UTP18: variants seen among roughly 807,000 people sequenced by gnomAD.
UTP18 encodes the protein U3 small nucleolar RNA-associated protein 18 homolog.
In UTP18, 36 loss-of-function variants were observed where a neutral mutation model predicts 61.1. The ratio of observed to expected loss-of-function variants is 0.59; its 90% confidence interval spans 0.45 to 0.78. The LOEUF (loss-of-function observed/expected upper bound fraction) is 0.78, where lower values mean the gene tolerates loss of function less well. Ranked by LOEUF, UTP18 falls within the 30% of genes least tolerant of loss-of-function variation. The probability of loss-of-function intolerance (pLI) is 0.00; values close to 1 mark genes in which losing one functional copy is unlikely to be tolerated. For missense variants in UTP18, 753 were observed against 693.9 expected (o/e 1.09, Z -0.96); for synonymous variants, 282 against 251.1 (o/e 1.12, Z -1.16).
intron 8 of UTP18, 39 bp from the exon 9 acceptor site, chr17:51,280,350 A>G (rs375137994): frequency 5.6e-6 from 9 of 1,596,820 alleles, no homozygotes; most frequent in African/African-American, 2.7e-5. Flanking sequence ...TCTTCTGTAT[A>G]CTTTCTAACA....
At chr17:51,267,514 CATTA>C (rs1904341959) in intron 3 of UTP18, among the ~76,000 whole-genome samples, 1 of 151,220 alleles carries the variant, frequency 6.6e-6, no homozygotes, top group Non-Finnish European at 1.5e-5. Flanking sequence ...GAAAACTCTC[CATTA>C]ATTAGTCACT....
At position 51,297,768 on chromosome 17, in the gene UTP18, T is replaced by C. The variant is rs1346697173; in HGVS notation, c.*15-14T>C. Reference sequence around the variant, plus strand: ...TATAAATCAGGTATGTAATTTCTTTTGTTCTTTCCTCAGGTCCAGTTGAGT... The same window carrying C: ...TATAAATCAGGTATGTAATTTCTTTCGTTCTTTCCTCAGGTCCAGTTGAGT... On this transcript the variant is annotated splice_polypyrimidine_tract_variant and intron_variant, in intron 13 of 13. Transcript: ENST00000225298. 1 of 433,120 alleles carries C rather than the reference T, an allele frequency of 2.3e-6. No individual in the cohort carries two copies. The highest frequency in any genetic ancestry group is 2.1e-5 in the African/African-American group (1 of 47,964). 26.8% of individuals were successfully genotyped at this position (433,120 alleles called of 1,614,324 possible).
chr17:51,271,823 A>G (rs1567700337), intron 4 of UTP18, among the ~76,000 whole-genome samples: 1 of 151,720 alleles, frequency 6.6e-6, no homozygotes, highest in South Asian at 2.1e-4. Flanking sequence ...GTGCACTACC[A>G]TGCCTGGCTA....
intron 2 of UTP18, among the ~76,000 whole-genome samples, chr17:51,264,589 GTTTA>G (rs899795400): frequency 1.4e-4 from 16 of 118,168 alleles, no homozygotes; most frequent in African/African-American, 2.7e-4. Flanking sequence ...AGACACAATG[GTTTA>G]TTTGTTTTTT....
At chr17:51,265,235 A>G (rs2055548161) in intron 2 of UTP18, among the ~76,000 whole-genome samples, 1 of 147,884 alleles carries the variant, frequency 6.8e-6, no homozygotes, top group Admixed American at 6.7e-5. Context: ...GTTTATCTAT[A>G]TTTTTACTTC....
chr17:51,263,900 A>G (rs932890084), intron 2 of UTP18, among the ~76,000 whole-genome samples: 3 of 152,214 alleles, frequency 2.0e-5, no homozygotes, highest in Non-Finnish European at 2.9e-5. Flanking sequence ...CTTTTTCTAC[A>G]TAAAGTTACT....
chr17:51,287,879 A>T (rs534039837), intron 10 of UTP18, 150 bp from the exon 11 acceptor site: 2 of 497,738 alleles, frequency 4.0e-6, no homozygotes, highest in African/African-American at 4.0e-5. Context: ...GAGGTTCTAT[A>T]GGACATCTGT....
At chr17:51,266,446 AAC>A (rs2055562258) in intron 3 of UTP18, among the ~76,000 whole-genome samples, 166 bp downstream of exon 3, 1 of 152,196 alleles carries the variant, frequency 6.6e-6, no homozygotes, top group East Asian at 1.9e-4. Flanking sequence ...GAGGGGACAA[AAC>A]ACAGACACAA....
intron 12 of UTP18, among the ~76,000 whole-genome samples, chr17:51,294,434 G>A (rs1271994746): frequency 6.8e-6 from 1 of 148,016 alleles, no homozygotes; most frequent in Non-Finnish European, 1.5e-5. Context: ...CCACCTCTGA[G>A]TGAGAACATG....
At chr17:51,288,383 C>T (rs568971337) in intron 11 of UTP18, among the ~76,000 whole-genome samples, 180 bp downstream of exon 11, 52 of 152,344 alleles carry the variant, frequency 3.4e-4, no homozygotes, top group African/African-American at 1.2e-3. Flanking sequence ...GTAGCCACCA[C>T]ATTTGATTAT....
Position 51,263,503 on chromosome 17 carries a change from G to A in UTP18, c.455+117G>A, listed in dbSNP as rs982597129. ...TTATGTGAAGATTTGAAAAATATTT[G>A]AAAGTATAGAAAAGATCTTTCATGG... is the stretch of plus-strand genomic sequence containing the variant. On this transcript the variant is annotated intron_variant, in intron 2 of 13. Transcript: ENST00000225298. 39 of 799,130 alleles carry A rather than the reference G, an allele frequency of 4.9e-5. No homozygotes were observed. In the African/African-American group the frequency reaches 5.2e-4, roughly 11 times the overall value. 49.5% of individuals were successfully genotyped at this position (799,130 alleles called of 1,614,324 possible). A position where few individuals can be genotyped will look rare whatever the true frequency, so the allele number is the denominator to read the frequency against.
intron 9 of UTP18, among the ~76,000 whole-genome samples, chr17:51,284,413 G>A (rs1022610479): frequency 4.6e-5 from 7 of 152,008 alleles, no homozygotes; most frequent in Non-Finnish European, 8.8e-5. Flanking sequence ...AAATAACTTG[G>A]TAATAGATAA....
chr17:51,275,537 A>G (rs1904688843), intron 5 of UTP18, among the ~76,000 whole-genome samples: 1 of 152,210 alleles, frequency 6.6e-6, no homozygotes, highest in African/African-American at 2.4e-5. Context: ...CTTAACACAA[A>G]TGGATGTATT....
chr17:51,285,313 A>T lies in UTP18; in HGVS notation c.1273A>T (p.Ser425Cys). ...CCTTAACAGATTTGTTGATGAAGGC[A>T]GTTTATATGGATTAAGCATTGCCAC... ...KCLNRFVDEGSLYGLSIATSR... is the reference protein window; with the variant it reads ...KCLNRFVDEGCLYGLSIATSR... Residue 425 changes from serine to cysteine, a missense_variant, in exon 10 of 14, where the codon AGT becomes TGT. Ser to Cys is a moderately radical substitution (Grantham distance 112). Transcript: ENST00000225298. 6.2e-7 allele frequency: 1 copy of T among 1,614,048 alleles called. No individual in the cohort carries two copies. The highest frequency in any genetic ancestry group is 8.5e-7 in the Non-Finnish European group (1 of 1,179,954).
chr17:51,266,560 A>G (rs1056627031), intron 3 of UTP18, among the ~76,000 whole-genome samples: 1 of 152,310 alleles, frequency 6.6e-6, no homozygotes, highest in East Asian at 1.9e-4. Flanking sequence ...TAATATGAAC[A>G]TTTTCAAAAA....
intron 2 of UTP18, 142 bp downstream of exon 2, chr17:51,263,528 G>T: frequency 2.9e-6 from 2 of 678,540 alleles, no homozygotes; most frequent in Non-Finnish European, 2.4e-6. Flanking sequence ...ATCTTTCATG[G>T]TTCCTGATCC....
intron 10 of UTP18, among the ~76,000 whole-genome samples, chr17:51,287,117 A>G (rs1244115073): frequency 6.6e-6 from 1 of 152,094 alleles, no homozygotes; most frequent in South Asian, 2.1e-4. Flanking sequence ...TTGTGAAGCC[A>G]GTCTTCATTG....
intron 10 of UTP18, among the ~76,000 whole-genome samples, chr17:51,287,296 T>G (rs1905143940): frequency 6.6e-6 from 1 of 152,230 alleles, no homozygotes; most frequent in South Asian, 2.1e-4. Context: ...TTCAAGTTAT[T>G]CTTAAAGAAT....
chr17:51,289,732 T>C (rs946897172), intron 11 of UTP18, among the ~76,000 whole-genome samples: 2 of 152,232 alleles, frequency 1.3e-5, no homozygotes, highest in Non-Finnish European at 2.9e-5. Context: ...ACTACCAGAT[T>C]GTACGCACTT....
Sources: allele counts gnomAD v4.1 joint callset (sites outside exome capture counted in the v4.1 genomes callset), GRCh38; gene constraint gnomAD v4.1.1; transcripts MANE v1.5; gene names NCBI Gene and HGNC (gene_info 2026-07-23, HGNC 2026-07-21).